PKIB: variants seen among roughly 807,000 people sequenced by gnomAD.
The protein encoded by PKIB is cAMP-dependent protein kinase inhibitor beta.
Under a neutral mutation model 4.5 loss-of-function variants are expected in PKIB, and 2 were observed. The ratio of observed to expected loss-of-function variants is 0.44; its 90% CI spans 0.18 to 1.39. PKIB has a LOEUF of 1.39. PKIB is among the 40% of genes most tolerant of loss of function. The pLI is 0.27. For synonymous variants in PKIB, 38 were observed against 36.0 expected, an observed-to-expected ratio of 1.06 and a Z score of -0.20; for missense variants, 94 against 92.6, an observed-to-expected ratio of 1.02 and a Z score of -0.06.
At chr6:122,701,340 C>A in intron 3 of PKIB, 1 of 945,990 alleles carries the variant, frequency 1.1e-6, no homozygotes, top group Admixed American at 2.3e-5. Context: ...GTGACAGTCA[C>A]CAGGCTAGAC....
At chr6:122,501,717 G>A (rs757995342) in intron 2 of PKIB, among the ~76,000 whole-genome samples, 10 of 152,128 alleles carry the variant, frequency 6.6e-5, no homozygotes, top group Non-Finnish European at 1.3e-4. Flanking sequence ...TACCAGGAAC[G>A]TCTCTGAAAT....
chr6:122,717,037 A>T (rs1454391146), intron 3 of PKIB, among the ~76,000 whole-genome samples: 2 of 152,184 alleles, frequency 1.3e-5, no homozygotes, highest in Non-Finnish European at 2.9e-5. Context: ...AAACATAATA[A>T]AAAGGTCAGT....
At chr6:122,624,939 A>G (rs1008512457) in intron 1 of PKIB, among the ~76,000 whole-genome samples, 3 of 152,218 alleles carry the variant, frequency 2.0e-5, no homozygotes, top group African/African-American at 4.8e-5. Context: ...TCCTCCTGAC[A>G]GTAGCAAAGT....
chr6:122,473,878 A>G (rs543184708), intron 1 of PKIB, among the ~76,000 whole-genome samples: 15 of 152,380 alleles, frequency 9.8e-5, no homozygotes, highest in African/African-American at 3.6e-4. Flanking sequence ...CACACCCATT[A>G]TCTTAGCACT....
chr6:122,539,553 G>A (rs1777522659), intron 2 of PKIB, among the ~76,000 whole-genome samples: 1 of 152,044 alleles, frequency 6.6e-6, no homozygotes, highest in African/African-American at 2.4e-5. Flanking sequence ...TGGTGGATAA[G>A]CTTTTTGATG....
intron 2 of PKIB, among the ~76,000 whole-genome samples, chr6:122,650,730 C>T (rs768562650): frequency 4.6e-5 from 7 of 152,164 alleles, no homozygotes; most frequent in Non-Finnish European, 8.8e-5. Flanking sequence ...TGGGGCCCCC[C>T]TCACAAATTT....
chr6:122,652,314 GTGTGTGTGTGTGTGTGTGTGGA>G (rs1255236561), intron 2 of PKIB, among the ~76,000 whole-genome samples: 2 of 123,084 alleles, frequency 1.6e-5, no homozygotes, highest in African/African-American at 6.8e-5. Context: ...GTGTGTGTGT[GTGTGTGTGTGTGTGTGTGTGGA>G]GAGAGAGAGA....
rs568530589 is a variant in PKIB, at chr6:122,725,779, A to T, written c.*584A>T. 21 of 151,054 alleles carry T rather than the reference A, an allele frequency of 1.4e-4. No individual in the cohort carries two copies. The highest frequency in any genetic ancestry group is 4.4e-4 in the African/African-American group (18 of 40,978). The allele number at this position is 151,054 out of a possible 1,614,324, so 9.4% of individuals were successfully genotyped here. ...TCTTTAGGATATTTTTGTCTGACAT[A>T]TTTTGCTTCTAGTATGTGCCTACTG... On this transcript the variant is annotated 3_prime_UTR_variant, in exon 5 of 5. Transcript: ENST00000368452.
chr6:122,579,632 A>G lies in PKIB; in HGVS notation c.-247-6289A>G, dbSNP rs139697274. 4.0e-3 allele frequency among the ~76,000 whole-genome samples: 603 copies of G among 152,286 alleles called. 4 individuals carry two copies. Among genetic ancestry groups the G allele is most frequent in the Middle Eastern group, 6.8e-3 (2 of 294 alleles). ...ATTTTATGATTTATTCAAATTTTAA[A>G]ATTTGAGATGTATCAGTTCCTAATG... On this transcript the variant is annotated intron_variant, in intron 2 of 6. Coordinates refer to the PKIB transcript ENST00000392491.
chr6:122,585,516 A>G (rs1359042563), intron 2 of PKIB: 2 of 152,166 alleles, frequency 1.3e-5, no homozygotes, highest in African/African-American at 4.8e-5. Flanking sequence ...TCAAGGCTCC[A>G]CAAGGCTCAG....
intron 3 of PKIB, among the ~76,000 whole-genome samples, chr6:122,716,923 C>T (rs1484699837): frequency 6.6e-6 from 1 of 152,188 alleles, no homozygotes; most frequent in Non-Finnish European, 1.5e-5. Context: ...TACGTCTGTA[C>T]TCTCAGGCCT....
intron 2 of PKIB, among the ~76,000 whole-genome samples, chr6:122,638,122 T>C (rs1775994860): frequency 6.6e-6 from 1 of 152,204 alleles, no homozygotes; most frequent in Non-Finnish European, 1.5e-5. Flanking sequence ...TCCTGTTTTA[T>C]GGAAGTTGAT....
chr6:122,514,857 T>C (rs2114587911), intron 2 of PKIB, among the ~76,000 whole-genome samples: 1 of 152,252 alleles, frequency 6.6e-6, no homozygotes, highest in East Asian at 1.9e-4. Flanking sequence ...GCCCCAGGGG[T>C]GAGAGGAAAA....
At chr6:122,550,148 C>G (rs1322624539) in intron 2 of PKIB, among the ~76,000 whole-genome samples, 1 of 152,058 alleles carries the variant, frequency 6.6e-6, no homozygotes, top group Non-Finnish European at 1.5e-5. Context: ...CTCCTGACCT[C>G]AGGTGATCCA....
chr6:122,640,560 A>T (rs1776083511), intron 2 of PKIB, among the ~76,000 whole-genome samples: 1 of 152,164 alleles, frequency 6.6e-6, no homozygotes, highest in Non-Finnish European at 1.5e-5. Flanking sequence ...GATGAGTTTG[A>T]AAGTTGCTAG....
chr6:122,615,994 A>G (rs1375040245), intron 1 of PKIB, among the ~76,000 whole-genome samples: 1 of 152,176 alleles, frequency 6.6e-6, no homozygotes, highest in Non-Finnish European at 1.5e-5. Flanking sequence ...AAACTAATAC[A>G]GTGGGTGTGA....
At chr6:122,500,625 G>A (rs1334017413) in intron 2 of PKIB, among the ~76,000 whole-genome samples, 2 of 152,166 alleles carry the variant, frequency 1.3e-5, no homozygotes, top group Non-Finnish European at 2.9e-5. Context: ...CCTAGATATG[G>A]CCAATTCCTA....
intron 2 of PKIB, among the ~76,000 whole-genome samples, chr6:122,507,092 A>T (rs1776433394): frequency 6.6e-6 from 1 of 152,108 alleles, no homozygotes; most frequent in African/African-American, 2.4e-5. Flanking sequence ...TTTTAATTGA[A>T]CCAAACTTTG....
intron 1 of PKIB, among the ~76,000 whole-genome samples, chr6:122,614,501 GTGGGGGTGTGGGAGTAAGCATCCCCA>G (rs1391811448): frequency 3.3e-5 from 5 of 151,936 alleles, no homozygotes; most frequent in Admixed American, 6.6e-5. Flanking sequence ...TCTTATCCCC[GTGGGGGTGTGGGAGTAAGCATCCCCA>G]TGGGGGTGTG....
Sources: gnomAD v4.1 joint callset for allele counts (sites outside exome capture counted in the v4.1 genomes callset) on GRCh38, gnomAD v4.1.1 for gene constraint, MANE v1.5 for transcripts, NCBI Gene and HGNC (gene_info 2026-07-23, HGNC 2026-07-21) for gene names.